The following HPSE2 variants were observed in gnomAD, a reference collection of about 807,000 sequenced individuals.
HPSE2 encodes the protein heparanase 2 (inactive).
HPSE2 carries 38 observed loss-of-function variants against 60.5 expected under a neutral mutation model. The observed-to-expected ratio is 0.63, with a 90% CI of 0.48 to 0.82. The LOEUF (loss-of-function observed/expected upper bound fraction) is 0.82, where lower values mean the gene tolerates loss of function less well. Among genes scored for constraint, HPSE2 ranks in the 40% least tolerant of loss-of-function variants. HPSE2 has a pLI of 0.00. For missense variants in HPSE2, 713 were observed against 740.4 expected, an observed-to-expected ratio of 0.96 and a Z score of 0.43; for synonymous variants, 295 against 293.2, an observed-to-expected ratio of 1.01 and a Z score of -0.06.
chr10:98,568,262 T>C (rs967839244), intron 9 of HPSE2, among the ~76,000 whole-genome samples: 1 of 152,220 alleles, frequency 6.6e-6, no homozygotes, highest in African/African-American at 2.4e-5. Context: ...TAGTTTAAAA[T>C]CAATTTAAGT....
chr10:99,068,565 G>A (rs1842686760), intron 3 of HPSE2, among the ~76,000 whole-genome samples: 1 of 152,114 alleles, frequency 6.6e-6, no homozygotes, highest in Non-Finnish European at 1.5e-5. Context: ...TCTCCACCTG[G>A]CCCCACATGT....
intron 3 of HPSE2, among the ~76,000 whole-genome samples, chr10:99,143,737 A>G (rs949171570): frequency 6.6e-6 from 1 of 152,218 alleles, no homozygotes; most frequent in African/African-American, 2.4e-5. Flanking sequence ...TCCTAGAATC[A>G]AGGATATAAG....
chr10:98,515,986 A>G (rs2133758583), intron 9 of HPSE2, among the ~76,000 whole-genome samples: 1 of 152,172 alleles, frequency 6.6e-6, no homozygotes, highest in East Asian at 1.9e-4. Context: ...TTTCTTTTGT[A>G]CTCCACCCTG....
chr10:99,045,314 T>C (rs1220534420), intron 3 of HPSE2, among the ~76,000 whole-genome samples: 1 of 152,022 alleles, frequency 6.6e-6, no homozygotes, highest in East Asian at 1.9e-4. Context: ...ATTAATGAAA[T>C]TAGGAACAAA....
At chr10:98,639,459 G>A (rs1324344287) in intron 7 of HPSE2, among the ~76,000 whole-genome samples, 1 of 152,172 alleles carries the variant, frequency 6.6e-6, no homozygotes. Flanking sequence ...CTGCTGCTAA[G>A]CCTAGCCCTC....
chr10:99,244,292 CAAG>C, the HPSE2 span, among the ~76,000 whole-genome samples: 1 of 151,954 alleles, frequency 6.6e-6, no homozygotes, highest in Non-Finnish European at 1.5e-5. Context: ...ACTGGGATTA[CAAG>C]CGTGAGCCAC....
chr10:99,079,027 G>A (rs369417481), intron 3 of HPSE2, among the ~76,000 whole-genome samples: 2 of 152,066 alleles, frequency 1.3e-5, no homozygotes, highest in African/African-American at 2.4e-5. Flanking sequence ...TATCCAACTC[G>A]TTTCCTCCCC....
the HPSE2 span, among the ~76,000 whole-genome samples, chr10:99,311,786 T>C: frequency 6.6e-6 from 1 of 152,218 alleles, no homozygotes; most frequent in Non-Finnish European, 1.5e-5. Flanking sequence ...GAGGAAGGTA[T>C]GTCAAAAGCT....
the HPSE2 span, among the ~76,000 whole-genome samples, chr10:99,272,234 C>A: frequency 2.7e-5 from 4 of 147,566 alleles, no homozygotes; most frequent in Non-Finnish European, 5.9e-5. Flanking sequence ...TGCACCACTG[C>A]ACTCCAGCCT....
chr10:98,620,926 T>C (rs1001577615), intron 7 of HPSE2, among the ~76,000 whole-genome samples: 1 of 152,172 alleles, frequency 6.6e-6, no homozygotes, highest in African/African-American at 2.4e-5. Flanking sequence ...GAAATTATCA[T>C]TTTTCCCTAA....
intron 3 of HPSE2, among the ~76,000 whole-genome samples, chr10:98,902,954 C>T (rs1186900004): frequency 6.6e-6 from 1 of 151,824 alleles, no homozygotes; most frequent in African/African-American, 2.4e-5. Context: ...AAACATATGC[C>T]CACACAAAAA....
intron 3 of HPSE2, among the ~76,000 whole-genome samples, chr10:98,960,414 AAAAT>A (rs1368313345): frequency 3.3e-5 from 5 of 152,296 alleles, no homozygotes; most frequent in Admixed American, 1.3e-4. Flanking sequence ...TTATAGTAGT[AAAAT>A]AAAGTTTACT....
chr10:98,954,946 TAAGC>T, intron 3 of HPSE2, among the ~76,000 whole-genome samples: 1 of 145,998 alleles, frequency 6.8e-6, no homozygotes, highest in Middle Eastern at 3.6e-3. Context: ...TCAGTGGATC[TAAGC>T]ATCAATTTTA....
At chr10:98,940,035 G>A (rs1322161241) in intron 3 of HPSE2, among the ~76,000 whole-genome samples, 6 of 143,354 alleles carry the variant, frequency 4.2e-5, no homozygotes, top group African/African-American at 1.1e-4. Context: ...TGAAACCAAC[G>A]AGAACAAAGA....
At chr10:98,585,907 G>T (rs1158443813) in intron 9 of HPSE2, among the ~76,000 whole-genome samples, 1 of 143,840 alleles carries the variant, frequency 7.0e-6, no homozygotes, top group Non-Finnish European at 1.5e-5. Context: ...AGCTGAGATT[G>T]CCCCATTACA....
At chr10:98,504,572 G>A (rs1942134121) in intron 9 of HPSE2, among the ~76,000 whole-genome samples, 1 of 152,114 alleles carries the variant, frequency 6.6e-6, no homozygotes, top group South Asian at 2.1e-4. Context: ...GGATCACGAG[G>A]TCAGGAGATC....
the HPSE2 span, among the ~76,000 whole-genome samples, chr10:99,247,859 A>G: frequency 6.6e-6 from 1 of 152,136 alleles, no homozygotes; most frequent in South Asian, 2.1e-4. Context: ...GGGTTGTTTA[A>G]GTGTGTAGCA....
At chr10:98,722,541 A>G (rs1056473812) in intron 4 of HPSE2, among the ~76,000 whole-genome samples, 1 of 152,172 alleles carries the variant, frequency 6.6e-6, no homozygotes, top group Non-Finnish European at 1.5e-5. Flanking sequence ...GAAAACTAAT[A>G]CACATGGTAA....
chr10:99,245,881 A>G, the HPSE2 span, among the ~76,000 whole-genome samples: 2 of 152,212 alleles, frequency 1.3e-5, no homozygotes, highest in Non-Finnish European at 2.9e-5. Context: ...AGACACCTAG[A>G]TGTCCATCAT....
Sources: allele counts gnomAD v4.1 joint callset (sites outside exome capture counted in the v4.1 genomes callset), GRCh38; gene constraint gnomAD v4.1.1; transcripts MANE v1.5; gene names NCBI Gene and HGNC (gene_info 2026-07-23, HGNC 2026-07-21).